Variants in CD79A observed in about 807,000 individuals in gnomAD.
The protein encoded by CD79A is B-cell antigen receptor complex-associated protein alpha chain.
Under a neutral mutation model 27.4 loss-of-function variants are expected in CD79A, and 16 were observed. The ratio of observed to expected loss-of-function variants is 0.58; its 90% CI spans 0.40 to 0.89. The LOEUF (loss-of-function observed/expected upper bound fraction) is 0.89, where lower values mean the gene tolerates loss of function less well. CD79A is among the 40% of genes least tolerant of loss of function. The pLI is 0.00. For missense variants in CD79A, 237 were observed against 299.7 expected, an observed-to-expected ratio of 0.79 and a Z score of 1.55; for synonymous variants, 110 against 132.7, an observed-to-expected ratio of 0.83 and a Z score of 1.18.
At chr19:41,880,451 G>GGGAAGGGAA (rs1183622232) in intron 3 of CD79A, among the ~76,000 whole-genome samples, 5,974 of 102,194 alleles carry the variant, frequency 0.058, 279 homozygotes, top group Middle Eastern at 0.12. Flanking sequence ...AGGAAGGGAA[G>GGGAAGGGAA]GGAAGGAAGG....
chr19:41,880,461 G>C (rs1600632469), intron 3 of CD79A, among the ~76,000 whole-genome samples: 1 of 140,464 alleles, frequency 7.1e-6, no homozygotes, highest in Admixed American at 7.0e-5. Context: ...GGGAAGGAAG[G>C]AAGGAAGGAA....
In CD79A at chr19:41,878,723, C is replaced by A. The variant is rs573466484; in HGVS notation, c.80-267C>A. On this transcript the variant is annotated intron_variant, in intron 1 of 4. Coordinates refer to ENST00000221972, the MANE Select transcript of CD79A (RefSeq NM_001783.4). The surrounding 1 kb of genome is among the most constrained non-coding windows in gnomAD (Gnocchi z 4.3). ...GAGAAGGGCCTCCCAGGGGTCTTAC[C>A]ATCCCAGGGAGTCTCATTCTCCTCT... Among the ~76,000 whole-genome samples, 114 of 152,036 alleles carry A rather than the reference C, an allele frequency of 7.5e-4. No individual in the cohort carries two copies. Among genetic ancestry groups the A allele is most frequent in the Non-Finnish European group, 1.3e-3 (85 of 67,968 alleles).
chr19:41,879,114 C>T lies in CD79A; in HGVS notation c.204C>T (p.Arg68=), dbSNP rs150297110. 17 of 1,613,996 alleles carry T rather than the reference C, an allele frequency of 1.1e-5. No homozygotes were observed. Among genetic ancestry groups the T allele is most frequent in the African/African-American group, 5.3e-5 (4 of 74,926 alleles). ...ACAACGCCAACGTCACCTGGTGGCG[C>T]GTCCTCCATGGCAACTACACGTGGC... ...SSNNANVTWW[R]VLHGNYTWPP... is the part of the protein sequence containing the mutation. The change falls in exon 2 of 5, where the codon CGC becomes CGT. Residue 68 remains arginine, a synonymous_variant. Transcript: ENST00000221972. This position sits in a 1 kb window ranked among gnomAD's most constrained non-coding sequence, Gnocchi z 5.1.
At position 41,880,887 on chromosome 19, in the gene CD79A, C is replaced by G. The variant is rs781831743; in HGVS notation, c.588C>G (p.Cys196Trp). Residue 196 changes from cysteine to tryptophan, a missense_variant, in exon 5 of 5, where the codon TGC becomes TGG. Cys to Trp is a radical substitution (Grantham distance 215, BLOSUM62 -2). Coordinates refer to ENST00000221972, the MANE Select transcript of CD79A (RefSeq NM_001783.4). ...CCCAGGGCCTGAACCTGGACGACTGCTCCATGTATGAGGACATCTCCCGGG... is the reference window on the plus strand; with the variant it reads ...CCCAGGGCCTGAACCTGGACGACTGGTCCATGTATGAGGACATCTCCCGGG... ...NLYEGLNLDD[C>W]SMYEDISRGL... 3 of 1,605,000 alleles carry G rather than the reference C, an allele frequency of 1.9e-6. No individual in the cohort carries two copies. In the African/African-American group the frequency reaches 4.0e-5, roughly 21 times the overall value.
chr19:41,879,176 G>A lies in CD79A; in HGVS notation c.266G>A (p.Gly89Asp). Residue 89 changes from glycine to aspartate, a missense_variant, in exon 2 of 5, where the codon GGT becomes GAT. Coordinates refer to ENST00000221972, the MANE Select transcript of CD79A (RefSeq NM_001783.4). The surrounding 1 kb of genome is among the most constrained non-coding windows in gnomAD (Gnocchi z 5.1). ...TTGGGCCCGGGCGAGGACCCCAATGGTACGCTGATCATCCAGAATGTGAAC... is the reference window on the plus strand; with the variant it reads ...TTGGGCCCGGGCGAGGACCCCAATGATACGCTGATCATCCAGAATGTGAAC... ...EFLGPGEDPN[G>D]TLIIQNVNKS... 1 of 1,614,006 alleles carries A rather than the reference G, an allele frequency of 6.2e-7. No individual in the cohort carries two copies. Among genetic ancestry groups the A allele is most frequent in the Non-Finnish European group, 8.5e-7 (1 of 1,180,020 alleles).
chr19:41,881,128 CTT>C lies in CD79A; in HGVS notation c.*149_*150del. 1 of 696,816 alleles carries C rather than the reference CTT, an allele frequency of 1.4e-6. No individual in the cohort carries two copies. Among genetic ancestry groups the C allele is most frequent in the Non-Finnish European group, 2.6e-6 (1 of 385,792 alleles). The allele number at this position is 696,816 out of a possible 1,614,324, so 43.2% of individuals were successfully genotyped here. On this transcript the variant is annotated 3_prime_UTR_variant, in exon 5 of 5. Coordinates refer to ENST00000221972, the MANE Select transcript of CD79A (RefSeq NM_001783.4). ...TGGGGGGTGGGAGGGTAACCTCACT[CTT>C]CTCCAGGCCAGGCCTCCTTGGACTC...
In CD79A at chr19:41,881,127, T is replaced by G; in HGVS notation, c.*147T>G. 1 of 699,056 alleles carries G rather than the reference T, an allele frequency of 1.4e-6. No individual in the cohort carries two copies. 43.3% of individuals were successfully genotyped at this position (699,056 alleles called of 1,614,324 possible). Reference sequence around the variant, plus strand: ...GTGGGGGGTGGGAGGGTAACCTCACTCTTCTCCAGGCCAGGCCTCCTTGGA... The same window carrying G: ...GTGGGGGGTGGGAGGGTAACCTCACGCTTCTCCAGGCCAGGCCTCCTTGGA... On this transcript the variant is annotated 3_prime_UTR_variant, in exon 5 of 5. Transcript: ENST00000221972.
Position 41,879,136 on chromosome 19 carries a change from T to C in CD79A, c.226T>C (p.Trp76Arg). ...WWRVLHGNYTWPPEFLGPGED... is the reference protein window; with the variant it reads ...WWRVLHGNYTRPPEFLGPGED... ...GCGCGTCCTCCATGGCAACTACACGTGGCCCCCTGAGTTCTTGGGCCCGGG... is the reference window on the plus strand; with the variant it reads ...GCGCGTCCTCCATGGCAACTACACGCGGCCCCCTGAGTTCTTGGGCCCGGG... The change falls in exon 2 of 5, where the codon TGG (tryptophan) becomes CGG (arginine). Residue 76 changes from tryptophan (W) to arginine (R), a missense_variant. By Grantham distance (101) the Trp-to-Arg change is moderately radical. Transcript: ENST00000221972. This position sits in a 1 kb window ranked among gnomAD's most constrained non-coding sequence, Gnocchi z 5.1. The C allele has an allele frequency of 6.2e-7, 1 of 1,614,102 alleles. No homozygotes were observed. Among genetic ancestry groups the C allele is most frequent in the East Asian group, 2.2e-5 (1 of 44,878 alleles).
In CD79A at chr19:41,879,332, G is replaced by C. The variant is rs782610203; in HGVS notation, c.379+43G>C. 8.9e-6 allele frequency: 14 copies of C among 1,575,984 alleles called. No homozygotes were observed. The highest frequency in any genetic ancestry group is 2.6e-6 in the Non-Finnish European group (3 of 1,156,138). On this transcript the variant is annotated intron_variant, in intron 2 of 4. Transcript: ENST00000221972. The surrounding 1 kb of genome is among the most constrained non-coding windows in gnomAD (Gnocchi z 5.1). ...GGCCCCTACTCCCACTGTCCCGCTG[G>C]GGACACTCGGTTTATCTTTGAAGTG...
chr19:41,880,241 C>G (rs1555843911), intron 3 of CD79A, among the ~76,000 whole-genome samples: 1 of 151,952 alleles, frequency 6.6e-6, no homozygotes, highest in Non-Finnish European at 1.5e-5. Context: ...ATTAGCCAGG[C>G]ATGGTGGCAC....
chr19:41,878,862 C>G lies in CD79A; in HGVS notation c.80-128C>G, dbSNP rs2074203628. Reference sequence around the variant, plus strand: ...GATGTATCAGCCCCTGTCAGGGGCTCTCTCTCTCCCTCCCCACCCAGGAGA... The same window carrying G: ...GATGTATCAGCCCCTGTCAGGGGCTGTCTCTCTCCCTCCCCACCCAGGAGA... On this transcript the variant is annotated intron_variant, in intron 1 of 4. Transcript: ENST00000221972. This position sits in a 1 kb window ranked among gnomAD's most constrained non-coding sequence, Gnocchi z 4.3. The G allele has an allele frequency of 1.4e-6, 1 of 723,416 alleles. No individual in the cohort carries two copies. Among genetic ancestry groups the G allele is most frequent in the South Asian group, 1.6e-5 (1 of 60,758 alleles). 44.8% of individuals were successfully genotyped at this position (723,416 alleles called of 1,614,324 possible). A position where few individuals can be genotyped will look rare whatever the true frequency, so the allele number is the denominator to read the frequency against.
In CD79A at chr19:41,878,307, G is replaced by A. The variant is rs1439700210; in HGVS notation, c.80-683G>A. 6.6e-6 allele frequency among the ~76,000 whole-genome samples: 1 copy of A among 152,198 alleles called. No individual in the cohort carries two copies. The highest frequency in any genetic ancestry group is 1.5e-5 in the Non-Finnish European group (1 of 68,026). ...ACAGGCCAGGGCAGGCCACAGACTGGCTCCTCAGCCCAGGCAGGGAGAGGC... is the reference window on the plus strand; with the variant it reads ...ACAGGCCAGGGCAGGCCACAGACTGACTCCTCAGCCCAGGCAGGGAGAGGC... On this transcript the variant is annotated intron_variant, in intron 1 of 4. Coordinates refer to ENST00000221972, the MANE Select transcript of CD79A (RefSeq NM_001783.4). This position sits in a 1 kb window ranked among gnomAD's most constrained non-coding sequence, Gnocchi z 4.3.
At chr19:41,880,474 AAGG>A (rs1477369197) in intron 3 of CD79A, among the ~76,000 whole-genome samples, 193 bp from the exon 4 acceptor site, 1 of 146,484 alleles carries the variant, frequency 6.8e-6, no homozygotes, top group Non-Finnish European at 1.5e-5. Flanking sequence ...GGAAGGAAGG[AAGG>A]AAGGAAGGAA....
In CD79A at chr19:41,878,648, AG is replaced by A. The variant is rs1555843337; in HGVS notation, c.80-341del. On this transcript the variant is annotated intron_variant, in intron 1 of 4. Transcript: ENST00000221972. The surrounding 1 kb of genome is among the most constrained non-coding windows in gnomAD (Gnocchi z 4.3). Reference sequence around the variant, plus strand: ...AAATCCAGAGAGTTCACAGGGCCAGAGTACAAAGTGGGTATGCGGGAGGGGG... The same window carrying A: ...AAATCCAGAGAGTTCACAGGGCCAGATACAAAGTGGGTATGCGGGAGGGGG... Among the ~76,000 whole-genome samples, 2 of 152,110 alleles carry A rather than the reference AG, an allele frequency of 1.3e-5. No homozygotes were observed. The highest frequency in any genetic ancestry group is 1.5e-5 in the Non-Finnish European group (1 of 68,004).
Position 41,881,002 on chromosome 19 carries a change from G to T in CD79A, c.*22G>T. The T allele has an allele frequency of 7.2e-7, 1 of 1,392,300 alleles. No homozygotes were observed. The allele number at this position is 1,392,300 out of a possible 1,614,324, so 86.2% of individuals were successfully genotyped here. On this transcript the variant is annotated 3_prime_UTR_variant, in exon 5 of 5. Coordinates refer to ENST00000221972, the MANE Select transcript of CD79A (RefSeq NM_001783.4). Reference sequence around the variant, plus strand: ...GTGACACCCCTACTCCTGCCAGGCTGCCCCCGCCTGCTGTGCACCCAGCTC... The same window carrying T: ...GTGACACCCCTACTCCTGCCAGGCTTCCCCCGCCTGCTGTGCACCCAGCTC...
intron 3 of CD79A, among the ~76,000 whole-genome samples, 165 bp from the exon 4 acceptor site, chr19:41,880,505 G>GAAGGA (rs781946213): frequency 5.0e-4 from 73 of 147,124 alleles, no homozygotes; most frequent in Non-Finnish European, 7.3e-4. Context: ...AGGAAGGAAG[G>GAAGGA]AGAACACTGG....
intron 3 of CD79A, 79 bp from the exon 4 acceptor site, chr19:41,880,591 C>G: frequency 9.2e-7 from 1 of 1,086,290 alleles, no homozygotes; most frequent in Non-Finnish European, 1.4e-6. Flanking sequence ...TGGAAAAGTA[C>G]TTCCTGGCAT....
In CD79A at chr19:41,880,704, C is replaced by T; in HGVS notation, c.533C>T (p.Ala178Val). 1 of 1,294,442 alleles carries T rather than the reference C, an allele frequency of 7.7e-7. No homozygotes were observed. The allele number at this position is 1,294,442 out of a possible 1,614,324, so 80.2% of individuals were successfully genotyped here. The change falls in exon 4 of 5, where the codon GCC becomes GTC. Residue 178 changes from alanine (A) to valine (V), a missense_variant. By Grantham distance (64) the Ala-to-Val change is moderately conservative. Transcript: ENST00000221972. ...CAGAACGAGAAGCTCGGGTTGGATG[C>T]CGGGGATGAATATGAAGATGAAAAC... ...RWQNEKLGLD[A>V]GDEYEDENLY...
chr19:41,880,480 G>GTAA, intron 3 of CD79A, among the ~76,000 whole-genome samples, 190 bp from the exon 4 acceptor site: 1 of 148,456 alleles, frequency 6.7e-6, no homozygotes, highest in African/African-American at 2.5e-5. Flanking sequence ...AAGGAAGGAA[G>GTAA]GAAGGAAGGA....
Sources: allele counts gnomAD v4.1 joint callset (sites outside exome capture counted in the v4.1 genomes callset), GRCh38; gene constraint gnomAD v4.1.1; non-coding constraint Gnocchi (gnomAD v3.1); transcripts MANE v1.5; gene names NCBI Gene and HGNC (gene_info 2026-07-23, HGNC 2026-07-21).